The following GRID2 variants were observed in gnomAD, a reference collection of about 807,000 sequenced individuals.
GRID2 encodes glutamate ionotropic receptor delta type subunit 2.
GRID2 carries 33 observed loss-of-function variants against 114.8 expected under a neutral mutation model. That is an observed-to-expected ratio of 0.29 (90% CI 0.22 to 0.38). The LOEUF is 0.38. Ranked by LOEUF, GRID2 falls within the 10% of genes least tolerant of loss-of-function variation. The pLI is 1.00. For missense variants in GRID2, 1,184 were observed against 1,257.7 expected, an observed-to-expected ratio of 0.94 and a Z score of 0.89; for synonymous variants, 505 against 449.9, an observed-to-expected ratio of 1.12 and a Z score of -1.55.
At chr4:92,637,444 A>G (rs1309069533) in intron 2 of GRID2, among the ~76,000 whole-genome samples, 1 of 152,012 alleles carries the variant, frequency 6.6e-6, no homozygotes, top group Non-Finnish European at 1.5e-5. Flanking sequence ...TTCTAAGTTA[A>G]CTTTTTAAAT....
chr4:93,578,786 G>T (rs1396526640), intron 13 of GRID2, among the ~76,000 whole-genome samples: 1 of 151,878 alleles, frequency 6.6e-6, no homozygotes, highest in African/African-American at 2.4e-5. Context: ...GTAGAGACAG[G>T]GTTTCACCAT....
intron 12 of GRID2, among the ~76,000 whole-genome samples, chr4:93,514,692 A>G (rs1729533897): frequency 6.6e-6 from 1 of 152,122 alleles, no homozygotes; most frequent in Admixed American, 6.6e-5. Flanking sequence ...AATGTATATC[A>G]ATTGTCTGAC....
intron 2 of GRID2, among the ~76,000 whole-genome samples, chr4:93,019,385 A>G (rs1036666616): frequency 4.6e-5 from 7 of 152,078 alleles, no homozygotes; most frequent in African/African-American, 9.7e-5. Context: ...CTAAGACCAT[A>G]TTCTTGGGGC....
chr4:92,812,866 T>C (rs1039529467), intron 2 of GRID2, among the ~76,000 whole-genome samples: 2 of 152,140 alleles, frequency 1.3e-5, no homozygotes, highest in Non-Finnish European at 2.9e-5. Context: ...ACTTGACAGG[T>C]GTCTGACAGT....
At chr4:92,565,996 C>G (rs1727316456) in intron 1 of GRID2, among the ~76,000 whole-genome samples, 1 of 151,972 alleles carries the variant, frequency 6.6e-6, no homozygotes, top group Non-Finnish European at 1.5e-5. Flanking sequence ...TTGAGTTTAC[C>G]TATACAATCC....
chr4:93,730,654 G>A, intron 14 of GRID2, among the ~76,000 whole-genome samples: 1 of 152,140 alleles, frequency 6.6e-6, no homozygotes, highest in East Asian at 1.9e-4. Context: ...TGCTGAGGGA[G>A]CCCCAAACAA....
At chr4:93,133,093 A>G (rs1465192987) in intron 4 of GRID2, among the ~76,000 whole-genome samples, 1 of 152,208 alleles carries the variant, frequency 6.6e-6, no homozygotes, top group African/African-American at 2.4e-5. Flanking sequence ...AAATTATACC[A>G]TCAACTATTC....
intron 14 of GRID2, among the ~76,000 whole-genome samples, chr4:93,630,051 G>T (rs961773752): frequency 6.6e-6 from 1 of 152,168 alleles, no homozygotes; most frequent in African/African-American, 2.4e-5. Flanking sequence ...GTATGTGAGC[G>T]AACACACATT....
At chr4:93,114,371 A>T (rs1171251599) in intron 4 of GRID2, among the ~76,000 whole-genome samples, 2 of 152,264 alleles carry the variant, frequency 1.3e-5, no homozygotes, top group East Asian at 3.9e-4. Context: ...CCTGAACTTT[A>T]TACTTATAAT....
intron 2 of GRID2, among the ~76,000 whole-genome samples, chr4:92,745,418 A>G (rs368544550): frequency 6.6e-6 from 1 of 152,208 alleles, no homozygotes; most frequent in Non-Finnish European, 1.5e-5. Context: ...TTGCCTAGGC[A>G]TATTGTATAG....
At chr4:93,589,395 T>C (rs2149608714) in intron 13 of GRID2, among the ~76,000 whole-genome samples, 1 of 152,068 alleles carries the variant, frequency 6.6e-6, no homozygotes, top group Admixed American at 6.5e-5. Context: ...TCATTTTTTA[T>C]GGCTGCATAG....
At chr4:92,839,166 A>G (rs1742688227) in intron 2 of GRID2, among the ~76,000 whole-genome samples, 1 of 151,978 alleles carries the variant, frequency 6.6e-6, no homozygotes, top group Non-Finnish European at 1.5e-5. Flanking sequence ...GCTTTCAATC[A>G]TTTTAATGAG....
At chr4:92,519,743 G>C (rs1221560856) in intron 1 of GRID2, among the ~76,000 whole-genome samples, 1 of 151,800 alleles carries the variant, frequency 6.6e-6, no homozygotes, top group Non-Finnish European at 1.5e-5. Flanking sequence ...ATGGTGTAGT[G>C]GTTTCAGTCT....
At chr4:93,570,367 TG>T (rs920733978) in intron 13 of GRID2, among the ~76,000 whole-genome samples, 3 of 152,124 alleles carry the variant, frequency 2.0e-5, no homozygotes, top group African/African-American at 7.2e-5. Flanking sequence ...AATGCTAGAA[TG>T]GAACTTCTTA....
chr4:92,737,477 T>C (rs1024163204), intron 2 of GRID2, among the ~76,000 whole-genome samples: 1 of 151,932 alleles, frequency 6.6e-6, no homozygotes, highest in Non-Finnish European at 1.5e-5. Context: ...ACTAACAATT[T>C]ATTTAAGTAC....
At chr4:92,434,070 G>C (rs1244275283) in intron 1 of GRID2, among the ~76,000 whole-genome samples, 3 of 152,150 alleles carry the variant, frequency 2.0e-5, no homozygotes, top group Non-Finnish European at 4.4e-5. Context: ...AAAACAACCA[G>C]TTATTCTTTG....
chr4:93,493,057 G>A (rs1560677910), intron 12 of GRID2, among the ~76,000 whole-genome samples: 2 of 151,768 alleles, frequency 1.3e-5, no homozygotes, highest in African/African-American at 2.4e-5. Flanking sequence ...GTTCATCCAT[G>A]TTGTTGCAAA....
intron 1 of GRID2, among the ~76,000 whole-genome samples, chr4:92,344,521 AT>A (rs1440425011): frequency 6.6e-6 from 1 of 152,178 alleles, no homozygotes; most frequent in African/African-American, 2.4e-5. Context: ...AAGAAGATTT[AT>A]TTTGCTGAGG....
At chr4:92,566,698 C>T (rs1359977165) in intron 1 of GRID2, among the ~76,000 whole-genome samples, 1 of 151,934 alleles carries the variant, frequency 6.6e-6, no homozygotes, top group Non-Finnish European at 1.5e-5. Flanking sequence ...TTGTTTTATT[C>T]ACACTAAAAG....
Sources: allele counts gnomAD v4.1 joint callset (sites outside exome capture counted in the v4.1 genomes callset), GRCh38; gene constraint gnomAD v4.1.1; transcripts MANE v1.5; gene names NCBI Gene and HGNC (gene_info 2026-07-23, HGNC 2026-07-21).